Variants in VPS13B observed in about 807,000 individuals in gnomAD.
VPS13B encodes intermembrane lipid transfer protein VPS13B.
Under a neutral mutation model 426.4 loss-of-function variants are expected in VPS13B, and 285 were observed. That is an observed-to-expected ratio of 0.67 (90% CI 0.61 to 0.74). The LOEUF is 0.74. Among genes scored for constraint, VPS13B ranks in the 30% least tolerant of loss-of-function variants. The pLI, the probability that VPS13B is intolerant of heterozygous loss-of-function variation, is 0.00. For missense variants in VPS13B, 4,537 were observed against 4,782.6 expected, an observed-to-expected ratio of 0.95 and a Z score of 1.51; for synonymous variants, 1,676 against 1,676.4, an observed-to-expected ratio of 1.00 and a Z score of 0.01.
At chr8:99,718,905 A>T (rs1276996616) in intron 37 of VPS13B, among the ~76,000 whole-genome samples, 1 of 151,824 alleles carries the variant, frequency 6.6e-6, no homozygotes, top group Non-Finnish European at 1.5e-5. Context: ...GTGATCCTCC[A>T]CCCATGCTGG....
rs535801932 is a variant in VPS13B, at chr8:99,421,716, C to A, written c.3083-9821C>A. On this transcript the variant is annotated intron_variant, in intron 21 of 61. Transcript: ENST00000357162. ...TTATTATTATTTTTTGAGACTCCAT[C>A]ACCCAGGCTGGAGTGCCGTGCCATT... Among the ~76,000 whole-genome samples the A allele has an allele frequency of 9.9e-5, 15 of 152,212 alleles. No individual in the cohort carries two copies. In the South Asian group the frequency reaches 3.1e-3, roughly 32 times the overall value.
intron 39 of VPS13B, among the ~76,000 whole-genome samples, chr8:99,733,345 TC>T (rs1833678484): frequency 6.6e-6 from 1 of 152,196 alleles, no homozygotes; most frequent in Non-Finnish European, 1.5e-5. Flanking sequence ...TGAGTCCAAA[TC>T]CAAGGTCAGC....
At position 99,309,728 on chromosome 8, in the gene VPS13B, C is replaced by G. The variant is rs189582425; in HGVS notation, c.2824+34474C>G. 3.7e-3 allele frequency among the ~76,000 whole-genome samples: 568 copies of G among 152,044 alleles called. 1 individual carries two copies. Among genetic ancestry groups the G allele is most frequent in the Non-Finnish European group, 6.1e-3 (417 of 67,922 alleles). ...TTCCAATTCTATGGAGAAAGTCATC[C>G]GTAGCTTGATGGGGGTGGCATTGAA... On this transcript the variant is annotated intron_variant, in intron 19 of 61. Coordinates refer to ENST00000357162, the MANE Select transcript of VPS13B (RefSeq NM_152564.5).
chr8:99,028,448 ACTTCC>A (rs1171316288), intron 2 of VPS13B, among the ~76,000 whole-genome samples: 1 of 106,048 alleles, frequency 9.4e-6, no homozygotes, highest in Non-Finnish European at 1.9e-5. Flanking sequence ...GGGGCTCCTC[ACTTCC>A]CAGTAGGGGC....
chr8:99,142,904 A>G, intron 12 of VPS13B, 70 bp from the exon 13 acceptor site: 1 of 1,489,986 alleles, frequency 6.7e-7, no homozygotes, highest in Non-Finnish European at 9.1e-7. Context: ...AAATGAGAGA[A>G]GAGCGATTTT....
At chr8:99,276,354 G>A (rs1818894216) in intron 19 of VPS13B, among the ~76,000 whole-genome samples, 1 of 152,124 alleles carries the variant, frequency 6.6e-6, no homozygotes, top group African/African-American at 2.4e-5. Context: ...AGCCTGGTAA[G>A]AATGGGTACA....
chr8:99,603,756 A>G (rs1008702914), intron 33 of VPS13B, among the ~76,000 whole-genome samples: 2 of 152,230 alleles, frequency 1.3e-5, no homozygotes, highest in African/African-American at 4.8e-5. Flanking sequence ...AACCATAGAA[A>G]GTAAAACCAT....
intron 39 of VPS13B, among the ~76,000 whole-genome samples, chr8:99,760,143 T>A (rs368113279): frequency 2.6e-5 from 4 of 151,756 alleles, no homozygotes; most frequent in African/African-American, 9.7e-5. Flanking sequence ...CACCTGGCTA[T>A]TTTTTTATTA....
At position 99,616,135 on chromosome 8, in the gene VPS13B, C is replaced by G. The variant is rs542234280; in HGVS notation, c.5221-25676C>G. Among the ~76,000 whole-genome samples the G allele has an allele frequency of 5.9e-5, 9 of 152,224 alleles. No individual in the cohort carries two copies. The South Asian group carries it at 1.7e-3, about 28-fold the overall frequency. On this transcript the variant is annotated intron_variant, in intron 33 of 61. Transcript: ENST00000357162. ...AGTTTAAAACTGCTGTATTCTTTTA[C>G]TCTGTTTTAGCTAAAAATTAATTTG... is the stretch of plus-strand genomic sequence containing the variant.
chr8:99,656,986 C>G (rs531736888), intron 34 of VPS13B, among the ~76,000 whole-genome samples: 1 of 152,188 alleles, frequency 6.6e-6, no homozygotes, highest in Non-Finnish European at 1.5e-5. Flanking sequence ...TAAATTCAGG[C>G]ATACTTTAAA....
chr8:99,546,748 T>C (rs1049025180), intron 30 of VPS13B, among the ~76,000 whole-genome samples: 1 of 151,940 alleles, frequency 6.6e-6, no homozygotes, highest in Non-Finnish European at 1.5e-5. Context: ...AAGAATGTAA[T>C]TAAAGAGAAA....
intron 35 of VPS13B, among the ~76,000 whole-genome samples, chr8:99,695,097 G>A (rs1831898495): frequency 6.7e-6 from 1 of 149,598 alleles, no homozygotes; most frequent in African/African-American, 2.5e-5. Flanking sequence ...TACACTGTTG[G>A]TGGGACTGTA....
At position 99,716,114 on chromosome 8, in the gene VPS13B, A is replaced by G. The variant is rs1355154145; in HGVS notation, c.6455-1057A>G. ...TAAGAAATTGATTTCCACCATGATT[A>G]TTTTTAAACCAAAGTCTTATCTCTA... On this transcript the variant is annotated intron_variant, in intron 36 of 61. Transcript: ENST00000357162. Among the ~76,000 whole-genome samples, 4 of 152,120 alleles carry G rather than the reference A, an allele frequency of 2.6e-5. No homozygotes were observed. The East Asian group carries it at 7.7e-4, about 29-fold the overall frequency.
At chr8:99,016,500 A>T (rs1841619819) in intron 2 of VPS13B, among the ~76,000 whole-genome samples, 1 of 136,018 alleles carries the variant, frequency 7.4e-6, no homozygotes, top group Non-Finnish European at 1.6e-5. Context: ...TTGGCCATTT[A>T]GCTATCTTTT....
intron 15 of VPS13B, among the ~76,000 whole-genome samples, chr8:99,158,642 A>T (rs1265051474): frequency 6.6e-6 from 1 of 152,214 alleles, no homozygotes; most frequent in Admixed American, 6.5e-5. Context: ...TTCACTGCTC[A>T]TGCTCTATAA....
intron 30 of VPS13B, among the ~76,000 whole-genome samples, chr8:99,555,653 CT>C (rs1422055827): frequency 6.6e-6 from 1 of 152,154 alleles, no homozygotes; most frequent in Non-Finnish European, 1.5e-5. Flanking sequence ...GGCTCTCAAA[CT>C]TTGTGCTTCC....
chr8:99,249,582 C>T (rs527496905), intron 17 of VPS13B, among the ~76,000 whole-genome samples: 2 of 151,980 alleles, frequency 1.3e-5, no homozygotes, highest in Non-Finnish European at 2.9e-5. Context: ...CGCCACCACG[C>T]CCGGCTAATT....
intron 34 of VPS13B, among the ~76,000 whole-genome samples, chr8:99,660,441 A>T (rs1317476252): frequency 2.6e-5 from 4 of 152,120 alleles, no homozygotes; most frequent in Non-Finnish European, 5.9e-5. Flanking sequence ...GAATAGATGG[A>T]CTCTATGGCA....
At position 99,695,152 on chromosome 8, in the gene VPS13B, G is replaced by C. The variant is rs1416383304; in HGVS notation, c.6047-4373G>C. 2.0e-5 allele frequency among the ~76,000 whole-genome samples: 3 copies of C among 151,236 alleles called. No homozygotes were observed. The Admixed American group carries it at 2.0e-4, about 10-fold the overall frequency. On this transcript the variant is annotated intron_variant, in intron 35 of 61. Coordinates refer to ENST00000357162, the MANE Select transcript of VPS13B (RefSeq NM_152564.5). ...GAAGTCAGTGTGGCGATTCCTCAGG[G>C]ATCTAAAACTAGAAATACCATTTGA...
Sources: allele counts gnomAD v4.1 joint callset (sites outside exome capture counted in the v4.1 genomes callset), GRCh38; gene constraint gnomAD v4.1.1; transcripts MANE v1.5; gene names NCBI Gene and HGNC (gene_info 2026-07-23, HGNC 2026-07-21).